CHRM3: variants seen among roughly 807,000 people sequenced by gnomAD.
The protein encoded by CHRM3 is cholinergic receptor muscarinic 3, also known as muscarinic acetylcholine receptor M3.
In CHRM3, 11 loss-of-function variants were observed where a neutral mutation model predicts 41.8. The observed-to-expected ratio is 0.26, with a 90% confidence interval of 0.17 to 0.44. CHRM3 has a LOEUF of 0.44. CHRM3 is among the 20% of genes least tolerant of loss of function. The probability of loss-of-function intolerance (pLI) is 1.00; values close to 1 mark genes in which losing one functional copy is unlikely to be tolerated. For missense variants in CHRM3, 571 were observed against 745.4 expected, an observed-to-expected ratio of 0.77 and a Z score of 2.72; for synonymous variants, 297 against 301.4, an observed-to-expected ratio of 0.99 and a Z score of 0.15.
rs757898678 is a variant in CHRM3 at position 239,908,795 on chromosome 1, T to C, written c.1344T>C (p.Gly448=). The change falls in exon 7 of 7, where the codon GGT becomes GGC. Residue 448 remains glycine (G), a synonymous_variant. Transcript: ENST00000676153. The surrounding 1 kb of genome is among the most constrained non-coding windows in gnomAD (Gnocchi z 7.2). ...AKTSDVNSSV[G]KSTATLPLSF... ...CTTCTGACGTCAACTCCTCAGTGGG[T>C]AAGAGCACGGCCACTCTACCTCTGT... 1 of 1,614,060 alleles carries C rather than the reference T, an allele frequency of 6.2e-7. No individual in the cohort carries two copies. Among genetic ancestry groups the C allele is most frequent in the East Asian group, 2.2e-5 (1 of 44,842 alleles).
chr1:239,531,567 T>C (rs1035931753), intron 2 of CHRM3, among the ~76,000 whole-genome samples: 2 of 148,276 alleles, frequency 1.3e-5, no homozygotes, highest in Non-Finnish European at 1.5e-5. Context: ...TTTCAAGATA[T>C]CATAAACTAG....
intron 1 of CHRM3, among the ~76,000 whole-genome samples, chr1:239,457,133 T>C (rs572783802): frequency 2.0e-5 from 3 of 150,988 alleles, no homozygotes; most frequent in East Asian, 2.0e-4. Flanking sequence ...AGTGAAACCA[T>C]TGGAATCTAC....
At chr1:239,533,310 G>A (rs1188184488) in intron 2 of CHRM3, among the ~76,000 whole-genome samples, 2 of 152,078 alleles carry the variant, frequency 1.3e-5, no homozygotes, top group African/African-American at 4.8e-5. Flanking sequence ...AAAGAAAAGA[G>A]GTTTAATTGA....
chr1:239,768,003 T>G (rs1330149045), intron 5 of CHRM3, among the ~76,000 whole-genome samples: 1 of 152,130 alleles, frequency 6.6e-6, no homozygotes, highest in African/African-American at 2.4e-5. Context: ...TGAATAGCAA[T>G]GTTCTAAAGA....
chr1:239,398,318 G>A (rs937070620), intron 1 of CHRM3, among the ~76,000 whole-genome samples: 5 of 152,016 alleles, frequency 3.3e-5, no homozygotes, highest in African/African-American at 7.2e-5. Flanking sequence ...CCACTGCAAC[G>A]TCTGCCTCCT....
chr1:239,717,144 GT>G (rs1662463379), intron 5 of CHRM3, among the ~76,000 whole-genome samples: 2 of 151,976 alleles, frequency 1.3e-5, no homozygotes, highest in Non-Finnish European at 2.9e-5. Flanking sequence ...TTCTCTAACG[GT>G]GTTCTTGGAT....
chr1:239,869,844 C>G (rs778453891), intron 6 of CHRM3, among the ~76,000 whole-genome samples: 3 of 152,122 alleles, frequency 2.0e-5, no homozygotes, highest in Admixed American at 6.6e-5. Flanking sequence ...ATGGAGTATT[C>G]ATTTGACTGA....
At chr1:239,774,040 G>T (rs935214792) in intron 5 of CHRM3, among the ~76,000 whole-genome samples, 1 of 152,126 alleles carries the variant, frequency 6.6e-6, no homozygotes, top group Non-Finnish European at 1.5e-5. Flanking sequence ...TGGACTTTTT[G>T]TTCTGTCTGT....
At chr1:239,577,695 T>G (rs1035151649) in intron 3 of CHRM3, among the ~76,000 whole-genome samples, 2 of 152,202 alleles carry the variant, frequency 1.3e-5, no homozygotes, top group Non-Finnish European at 2.9e-5. Flanking sequence ...GAATCCTGCA[T>G]AAAATTAGTC....
rs150529971 is a variant in CHRM3 at position 239,912,124 on chromosome 1, ATCTC to A, written c.*2914_*2917del. 2 of 163,864 alleles carry A rather than the reference ATCTC, an allele frequency of 1.2e-5. No individual in the cohort carries two copies. Among genetic ancestry groups the A allele is most frequent in the African/African-American group, 2.4e-5 (1 of 40,978 alleles). 10.2% of individuals were successfully genotyped at this position (163,864 alleles called of 1,614,324 possible). On this transcript the variant is annotated 3_prime_UTR_variant, in exon 7 of 7. Coordinates refer to ENST00000676153, the MANE Select transcript of CHRM3 (RefSeq NM_001375978.1). ...ACCTAAAATAAACTACACATGGAGA[ATCTC>A]TCTCTCTCTCTCTGCCTCTCTCTCT...
chr1:239,396,614 G>A (rs575119309), intron 1 of CHRM3, among the ~76,000 whole-genome samples: 3 of 152,096 alleles, frequency 2.0e-5, no homozygotes, highest in African/African-American at 7.2e-5. Flanking sequence ...ATCCAGTCTC[G>A]AAAAGAGTAA....
intron 3 of CHRM3, among the ~76,000 whole-genome samples, chr1:239,606,368 T>C (rs1039827618): frequency 3.3e-5 from 5 of 151,896 alleles, no homozygotes; most frequent in African/African-American, 7.3e-5. Context: ...CTCCGCCTCC[T>C]GGGTTCATGC....
rs1481368204 is a variant in CHRM3 at position 239,471,278 on chromosome 1, C to G, written c.-520-21431C>G. On this transcript the variant is annotated intron_variant, in intron 1 of 6. Transcript: ENST00000676153. ...TCAAAAAGTGGTGCCTGGAACTTAA[C>G]TGAGCTAGAGGAGAGAGCTGAGCTG... Among the ~76,000 whole-genome samples, 5 of 151,870 alleles carry G rather than the reference C, an allele frequency of 3.3e-5. No individual in the cohort carries two copies. The East Asian group carries it at 5.8e-4, about 18-fold the overall frequency.
intron 1 of CHRM3, among the ~76,000 whole-genome samples, chr1:239,489,149 C>T (rs1159654635): frequency 6.6e-6 from 1 of 152,166 alleles, no homozygotes; most frequent in Non-Finnish European, 1.5e-5. Context: ...CGTGGTGGCT[C>T]ACGCCTGTAA....
At chr1:239,414,807 CTCTT>C (rs1661370003) in intron 1 of CHRM3, among the ~76,000 whole-genome samples, 1 of 152,210 alleles carries the variant, frequency 6.6e-6, no homozygotes, top group Non-Finnish European at 1.5e-5. Flanking sequence ...CACAGTTTGA[CTCTT>C]TGATACAGAA....
chr1:239,553,013 C>G (rs115185360), intron 3 of CHRM3, among the ~76,000 whole-genome samples: 1,550 of 152,126 alleles, frequency 0.01, 35 homozygotes, highest in African/African-American at 0.036. Context: ...GAGGGAGTTC[C>G]TAGCCACGTT....
intron 2 of CHRM3, among the ~76,000 whole-genome samples, chr1:239,502,856 G>A (rs1668328196): frequency 6.6e-6 from 1 of 152,110 alleles, no homozygotes; most frequent in South Asian, 2.1e-4. Context: ...ACAAAATCCA[G>A]CTTCCCTTTA....
chr1:239,604,333 T>C (rs1412161766), intron 3 of CHRM3, among the ~76,000 whole-genome samples: 2 of 151,068 alleles, frequency 1.3e-5, no homozygotes, highest in Non-Finnish European at 2.9e-5. Context: ...AAAAGCTCTC[T>C]AAATACAACT....
chr1:239,633,193 G>A (rs962505413), intron 4 of CHRM3, among the ~76,000 whole-genome samples: 2 of 152,102 alleles, frequency 1.3e-5, no homozygotes, highest in African/African-American at 2.4e-5. Flanking sequence ...GGATGGTCTC[G>A]ATCTCCTGAC....
Sources: gnomAD v4.1 joint callset for allele counts (sites outside exome capture counted in the v4.1 genomes callset) on GRCh38, gnomAD v4.1.1 for gene constraint, Gnocchi (gnomAD v3.1) non-coding constraint, MANE v1.5 for transcripts, NCBI Gene and HGNC (gene_info 2026-07-23, HGNC 2026-07-21) for gene names.